Variants in F8 observed in about 807,000 individuals in gnomAD.
F8 encodes the protein antihemophilic factor.
F8 carries 12 observed loss-of-function variants against 140.6 expected under a neutral mutation model. The ratio of observed to expected loss-of-function variants is 0.09; its 90% CI spans 0.05 to 0.14. The LOEUF (loss-of-function observed/expected upper bound fraction) is 0.14, where lower values mean the gene tolerates loss of function less well. F8 is among the 10% of genes least tolerant of loss of function. F8 has a pLI of 1.00. For synonymous variants in F8, 585 were observed against 614.6 expected (o/e 0.95, Z 0.71); for missense variants, 1,354 against 1,720.7 (o/e 0.79, Z 3.77).
At chrX:154,845,744 T>C (rs1258217872) in intron 25 of F8, among the ~76,000 whole-genome samples, 2 of 111,594 alleles carry the variant, frequency 1.8e-5, no homozygotes, top group Non-Finnish European at 3.8e-5. Context: ...AAAAAACCAG[T>C]TCCTGGATTC....
intron 25 of F8, among the ~76,000 whole-genome samples, chrX:154,856,453 G>A (rs1354423200): frequency 8.9e-6 from 1 of 112,731 alleles, no homozygotes; most frequent in Non-Finnish European, 1.9e-5. Flanking sequence ...AGTCAAAGCA[G>A]CAGTTAGAAT....
At chrX:154,922,741 G>T (rs1162405192) in intron 14 of F8, among the ~76,000 whole-genome samples, 1 of 111,568 alleles carries the variant, frequency 9.0e-6, no homozygotes, top group Non-Finnish European at 1.9e-5. Flanking sequence ...TAGTCCATTT[G>T]AGAAGAACAA....
intron 20 of F8, among the ~76,000 whole-genome samples, 184 bp downstream of exon 20, chrX:154,901,187 G>T (rs1425229036): frequency 8.9e-6 from 1 of 111,964 alleles, no homozygotes; most frequent in East Asian, 2.8e-4. Context: ...GGTAAGAAAT[G>T]ATGGTGACCT....
At chrX:154,931,929 G>C (rs1164478185) in intron 13 of F8, among the ~76,000 whole-genome samples, 2 of 112,248 alleles carry the variant, frequency 1.8e-5, no homozygotes, top group Non-Finnish European at 3.8e-5. Flanking sequence ...TTAAAATAGG[G>C]AAATGTAATT....
rs1557278743 is a variant in F8 at position 154,930,934 on chromosome X, A to C, written c.2856T>G (p.Gly952=). The part of the protein sequence containing the change: ...GKKSSPLTES[G]GPLSLSEENN... ...TTTCTTCACTCAAGCTCAGAGGTCC[A>C]CCAGACTCAGTAAGGGGAGATGACT... The change falls in exon 14 of 26, where the codon GGT becomes GGG. Residue 952 remains glycine, a synonymous_variant. Coordinates refer to ENST00000360256, the MANE Select transcript of F8 (RefSeq NM_000132.4). The C allele has an allele frequency of 8.3e-7, 1 of 1,198,032 alleles. No homozygotes were observed. The highest frequency in any genetic ancestry group is 2.3e-5 in the Admixed American group (1 of 44,056).
chrX:154,965,922 T>C (rs1557281935), intron 9 of F8, 48 bp downstream of exon 9: 2 of 1,170,239 alleles, frequency 1.7e-6, no homozygotes, highest in African/African-American at 3.5e-5. Flanking sequence ...CTCAAAACTC[T>C]CCAGACTTTT....
chrX:154,849,751 C>A (rs1482769928), intron 25 of F8, among the ~76,000 whole-genome samples: 2 of 110,963 alleles, frequency 1.8e-5, no homozygotes, highest in Non-Finnish European at 3.8e-5. Context: ...TCTTTGCTTG[C>A]TTTCATTTAG....
In F8 at chrX:154,902,137, G is replaced by T; in HGVS notation, c.6029C>A (p.Ser2010Tyr). 8.3e-7 allele frequency: 1 copy of T among 1,208,014 alleles called. No individual in the cohort carries two copies. The highest frequency in any genetic ancestry group is 2.3e-4 in the Middle Eastern group (1 of 4,344). ...GVFETVEMLP[S>Y]KAGIWRVECL... ...TTCCACCCGCCAAATTCCAGCTTTG[G>T]ATGGTAACATTTCCACTGTCTCAAA... The change falls in exon 19 of 26, where the codon TCC (serine) becomes TAC (tyrosine). Residue 2010 changes from serine (S) to tyrosine (Y), a missense_variant. Transcript: ENST00000360256.
At chrX:154,859,747 C>A (rs1557272697) in intron 25 of F8, among the ~76,000 whole-genome samples, 1 of 111,432 alleles carries the variant, frequency 9.0e-6, no homozygotes, top group Non-Finnish European at 1.9e-5. Context: ...TTTCATCCAG[C>A]CTTGATGGAT....
chrX:154,926,846 G>A (rs1169507482), intron 14 of F8, among the ~76,000 whole-genome samples: 1 of 111,984 alleles, frequency 8.9e-6, no homozygotes, highest in African/African-American at 3.2e-5. Flanking sequence ...GGAATTATCT[G>A]CAGATAGATA....
intron 7 of F8, among the ~76,000 whole-genome samples, chrX:154,968,040 A>C (rs1323942790): frequency 8.9e-6 from 1 of 112,061 alleles, no homozygotes; most frequent in African/African-American, 3.2e-5. Context: ...ATGCTATTAA[A>C]TATAAAAGAT....
intron 3 of F8, among the ~76,000 whole-genome samples, chrX:154,995,952 G>A (rs1393669699): frequency 9.0e-6 from 1 of 111,007 alleles, no homozygotes; most frequent in African/African-American, 3.3e-5. Flanking sequence ...ATAAGATGTG[G>A]CCATTTGGGG....
chrX:154,867,690 C>CAAAAAAAAAAAAAA (rs373471645), intron 22 of F8, among the ~76,000 whole-genome samples: 4 of 41,810 alleles, frequency 9.6e-5, no homozygotes, highest in African/African-American at 1.7e-4. Flanking sequence ...GACTCTGTCT[C>CAAAAAAAAAAAAAA]AAAAAAAAAA....
At chrX:154,980,993 T>C (rs1436991381) in intron 6 of F8, among the ~76,000 whole-genome samples, 1 of 112,034 alleles carries the variant, frequency 8.9e-6, no homozygotes, top group Non-Finnish European at 1.9e-5. Flanking sequence ...CTGGCTGTTG[T>C]ATTTCCTTTT....
chrX:154,922,848 G>T (rs1196700658), intron 14 of F8, among the ~76,000 whole-genome samples: 2 of 111,796 alleles, frequency 1.8e-5, no homozygotes, highest in Non-Finnish European at 3.8e-5. Context: ...GGTCTTGAAG[G>T]CCATGGTGAA....
chrX:154,996,147 C>T (rs2073616034), intron 3 of F8, among the ~76,000 whole-genome samples: 2 of 112,042 alleles, frequency 1.8e-5, no homozygotes, highest in Admixed American at 9.5e-5. Flanking sequence ...TGTTGAACTA[C>T]GAATACATGT....
chrX:154,968,473 G>A (rs2073436943), intron 7 of F8, among the ~76,000 whole-genome samples: 1 of 111,732 alleles, frequency 8.9e-6, no homozygotes, highest in African/African-American at 3.3e-5. Flanking sequence ...GCCTTCAATG[G>A]CCACGAGAGG....
intron 6 of F8, among the ~76,000 whole-genome samples, chrX:154,976,559 T>C (rs2073486858): frequency 9.1e-6 from 1 of 110,193 alleles, no homozygotes; most frequent in Non-Finnish European, 1.9e-5. Flanking sequence ...TATCTCCTAA[T>C]GCTATCCCTC....
intron 1 of F8, among the ~76,000 whole-genome samples, chrX:155,019,306 GTTA>G (rs2124171282): frequency 8.9e-6 from 1 of 112,181 alleles, no homozygotes; most frequent in East Asian, 2.8e-4. Flanking sequence ...CACTTTCATT[GTTA>G]TTATTTAACA....
Sources: gnomAD v4.1 joint callset for allele counts (sites outside exome capture counted in the v4.1 genomes callset) on GRCh38, gnomAD v4.1.1 for gene constraint, MANE v1.5 for transcripts, NCBI Gene and HGNC (gene_info 2026-07-23, HGNC 2026-07-21) for gene names.